The following IGF1R variants were observed in gnomAD, a reference collection of about 807,000 sequenced individuals.
IGF1R encodes insulin-like growth factor 1 receptor.
Under a neutral mutation model 144.6 loss-of-function variants are expected in IGF1R, and 44 were observed. The ratio of observed to expected loss-of-function variants is 0.30; its 90% CI spans 0.24 to 0.39. The LOEUF (loss-of-function observed/expected upper bound fraction) is 0.39, where lower values mean the gene tolerates loss of function less well. IGF1R is among the 10% of genes least tolerant of loss of function. The probability of loss-of-function intolerance (pLI) is 1.00; values close to 1 mark genes in which losing one functional copy is unlikely to be tolerated. For synonymous variants in IGF1R, 795 were observed against 722.8 expected (o/e 1.10, Z -1.60); for missense variants, 1,355 against 1,833.7 (o/e 0.74, Z 4.77).
chr15:98,963,138 G>A lies in IGF1R; in HGVS notation c.*5696G>A, dbSNP rs2017290579. On this transcript the variant is annotated 3_prime_UTR_variant, in exon 21 of 21. Transcript: ENST00000650285. ...AACAGAATAATTTTATAAAATGTTT[G>A]TAGTTTATAATTGCCGAAAATAATT... is the stretch of plus-strand genomic sequence containing the variant. 1 of 230,902 alleles carries A rather than the reference G, an allele frequency of 4.3e-6. No homozygotes were observed. Among genetic ancestry groups the A allele is most frequent in the Admixed American group, 5.7e-5 (1 of 17,616 alleles). 14.3% of individuals were successfully genotyped at this position (230,902 alleles called of 1,614,324 possible).
chr15:98,875,190 A>T (rs954069790), intron 2 of IGF1R, among the ~76,000 whole-genome samples: 1 of 143,222 alleles, frequency 7.0e-6, no homozygotes, highest in Non-Finnish European at 1.5e-5. Flanking sequence ...CAAAGTTCCT[A>T]CAAAGCTTAT....
intron 2 of IGF1R, among the ~76,000 whole-genome samples, chr15:98,756,652 A>G (rs1447261862): frequency 6.6e-6 from 1 of 152,032 alleles, no homozygotes; most frequent in Non-Finnish European, 1.5e-5. Flanking sequence ...TCAGTATTTA[A>G]TTTTTATTCA....
chr15:98,684,656 C>T (rs1357631023), intron 1 of IGF1R, among the ~76,000 whole-genome samples: 1 of 152,092 alleles, frequency 6.6e-6, no homozygotes, highest in African/African-American at 2.4e-5. Context: ...TCTTTCCTTC[C>T]TTTTTAAATG....
At chr15:98,857,648 G>T (rs1459673986) in intron 2 of IGF1R, among the ~76,000 whole-genome samples, 1 of 152,206 alleles carries the variant, frequency 6.6e-6, no homozygotes, top group African/African-American at 2.4e-5. Context: ...TACAGGAGCC[G>T]CTAGCCACAT....
chr15:98,755,733 A>AGC (rs1274431557), intron 2 of IGF1R, among the ~76,000 whole-genome samples: 3 of 127,166 alleles, frequency 2.4e-5, no homozygotes, highest in South Asian at 2.7e-4. Context: ...AAAAAAAAAA[A>AGC]AAAAAAAAAA....
At chr15:98,924,995 CTT>C (rs5814912) in intron 13 of IGF1R, among the ~76,000 whole-genome samples, 43,463 of 148,508 alleles carry the variant, frequency 0.29, 6,669 homozygotes, top group Non-Finnish European at 0.37. Context: ...CATTCAAAGA[CTT>C]TTTTTTTTTT....
chr15:98,697,220 C>G (rs1274637426), intron 1 of IGF1R, among the ~76,000 whole-genome samples: 4 of 152,194 alleles, frequency 2.6e-5, no homozygotes, highest in Non-Finnish European at 4.4e-5. Flanking sequence ...GTGCCAAACA[C>G]TCAAAGTTAG....
chr15:98,879,897 G>A (rs1403134085), intron 2 of IGF1R, among the ~76,000 whole-genome samples: 1 of 152,188 alleles, frequency 6.6e-6, no homozygotes, highest in African/African-American at 2.4e-5. Context: ...CCTATTGTCT[G>A]ATTCCATTCA....
intron 1 of IGF1R, among the ~76,000 whole-genome samples, chr15:98,658,869 T>G (rs1269250601): frequency 6.6e-6 from 1 of 152,262 alleles, no homozygotes; most frequent in African/African-American, 2.4e-5. Context: ...CTTCAGTAGC[T>G]AAGCTCTCAG....
intron 3 of IGF1R, among the ~76,000 whole-genome samples, chr15:98,892,582 G>A (rs955653921): frequency 6.7e-6 from 1 of 149,602 alleles, no homozygotes; most frequent in African/African-American, 2.5e-5. Flanking sequence ...ATGCCCTTTT[G>A]TACATGTCAA....
Position 98,962,487 on chromosome 15 carries a change from G to C in IGF1R, c.*5045G>C. 4.3e-6 allele frequency: 1 copy of C among 233,756 alleles called. No homozygotes were observed. Among genetic ancestry groups the C allele is most frequent in the Non-Finnish European group, 8.5e-6 (1 of 118,054 alleles). The allele number at this position is 233,756 out of a possible 1,614,324, so 14.5% of individuals were successfully genotyped here. A position where few individuals can be genotyped will look rare whatever the true frequency, so the allele number is the denominator to read the frequency against. ...ACAAATGAGAACTTCAAGAGAGGAT[G>C]TTATTTAGACTGAACCTCTGTTGCC... is the stretch of plus-strand genomic sequence containing the variant. On this transcript the variant is annotated 3_prime_UTR_variant, in exon 21 of 21. Transcript: ENST00000650285.
Position 98,761,699 on chromosome 15 carries a change from G to A in IGF1R, c.640+53592G>A, listed in dbSNP as rs981583730. Among the ~76,000 whole-genome samples, 6 of 152,254 alleles carry A rather than the reference G, an allele frequency of 3.9e-5. No individual in the cohort carries two copies. The South Asian group carries it at 6.2e-4, about 16-fold the overall frequency. ...ATCCAGTGGCTTAGTGGTCTTACCC[G>A]TGAGCTTGAACTGTTGTCCCTGCCA... On this transcript the variant is annotated intron_variant, in intron 2 of 20. Transcript: ENST00000650285.
Position 98,929,545 on chromosome 15 carries a change from C to T in IGF1R, c.2783-13C>T. 6.3e-7 allele frequency: 1 copy of T among 1,598,304 alleles called. No individual in the cohort carries two copies. The highest frequency in any genetic ancestry group is 8.6e-7 in the Non-Finnish European group (1 of 1,165,682). Reference sequence around the variant, plus strand: ...CCTGGTGATATTTTATCATTTCCTCCTCTTTGCTGCAGCAGGATATGAAAA... The same window carrying T: ...CCTGGTGATATTTTATCATTTCCTCTTCTTTGCTGCAGCAGGATATGAAAA... On this transcript the variant is annotated splice_polypyrimidine_tract_variant and intron_variant, in intron 13 of 20. Transcript: ENST00000650285.
chr15:98,795,008 C>T (rs942975117), intron 2 of IGF1R, among the ~76,000 whole-genome samples: 6 of 152,212 alleles, frequency 3.9e-5, no homozygotes, highest in African/African-American at 1.4e-4. Context: ...CCAGAAGGCA[C>T]GGATGTTTCC....
intron 1 of IGF1R, among the ~76,000 whole-genome samples, chr15:98,690,031 CATG>C (rs1407156404): frequency 6.6e-6 from 1 of 152,128 alleles, no homozygotes; most frequent in Non-Finnish European, 1.5e-5. Flanking sequence ...TGATCATTTT[CATG>C]ATGATAATGA....
chr15:98,914,937 A>G (rs1003497771), intron 8 of IGF1R, among the ~76,000 whole-genome samples: 6 of 152,258 alleles, frequency 3.9e-5, no homozygotes, highest in Non-Finnish European at 8.8e-5. Context: ...TGAAAACGCC[A>G]GTATTAGTCA....
intron 19 of IGF1R, among the ~76,000 whole-genome samples, chr15:98,948,309 C>T (rs1274003999): frequency 6.6e-6 from 1 of 152,150 alleles, no homozygotes; most frequent in Non-Finnish European, 1.5e-5. Context: ...GGCTTCCTGA[C>T]CGTGCAAGGG....
chr15:98,756,658 A>G (rs911001596), intron 2 of IGF1R, among the ~76,000 whole-genome samples: 1 of 151,946 alleles, frequency 6.6e-6, no homozygotes, highest in Non-Finnish European at 1.5e-5. Flanking sequence ...TTTAATTTTT[A>G]TTCACTTTTT....
At chr15:98,673,429 T>A (rs931395996) in intron 1 of IGF1R, among the ~76,000 whole-genome samples, 4 of 152,218 alleles carry the variant, frequency 2.6e-5, no homozygotes, top group Admixed American at 1.3e-4. Flanking sequence ...AACAGCCCTC[T>A]TAGCTGTAGT....
Sources: gnomAD v4.1 joint callset for allele counts (sites outside exome capture counted in the v4.1 genomes callset) on GRCh38, gnomAD v4.1.1 for gene constraint, MANE v1.5 for transcripts, NCBI Gene and HGNC (gene_info 2026-07-23, HGNC 2026-07-21) for gene names.